The following POLN variants were observed in gnomAD, a reference collection of about 807,000 sequenced individuals.
The protein encoded by POLN is DNA polymerase N.
A neutral mutation model predicts 113.5 loss-of-function variants in POLN; 108 were observed. The observed-to-expected ratio is 0.95, with a 90% CI of 0.81 to 1.12. The LOEUF is 1.12. Ranked by LOEUF, POLN falls within the 50% of genes most tolerant of loss-of-function variation. POLN has a pLI of 0.00. For synonymous variants in POLN, 386 were observed against 391.5 expected (o/e 0.99, Z 0.17); for missense variants, 1,097 against 1,077.1 (o/e 1.02, Z -0.26).
At chr4:2,112,578 T>C (rs1295919306) in intron 19 of POLN, among the ~76,000 whole-genome samples, 3 of 152,192 alleles carry the variant, frequency 2.0e-5, no homozygotes, top group Middle Eastern at 3.4e-3. Flanking sequence ...GGGTGAAGGA[T>C]ATGAACAGAC....
intron 11 of POLN, among the ~76,000 whole-genome samples, chr4:2,173,397 C>T (rs1300722908): frequency 6.6e-6 from 1 of 152,094 alleles, no homozygotes; most frequent in Non-Finnish European, 1.5e-5. Flanking sequence ...CATTCAAGTT[C>T]AATACCTTTT....
In POLN at chr4:2,081,711, G is replaced by A. The variant is rs145784942; in HGVS notation, c.2230C>T (p.Pro744Ser). 6.2e-7 allele frequency: 1 copy of A among 1,614,122 alleles called. No homozygotes were observed. The highest frequency in any genetic ancestry group is 8.5e-7 in the Non-Finnish European group (1 of 1,180,014). ...CVVSIMGRRR[P>S]LPRIHAHDQQ... The stretch of plus-strand genomic sequence containing the variant: ...TCATGAGCGTGAATCCTTGGCAGGG[G>A]TCTCCTTCTGCCCATGATGGACACC... Residue 744 changes from proline (P) to serine (S), a missense_variant, in exon 22 of 26, where the codon CCC becomes TCC. Coordinates refer to ENST00000511885, the MANE Select transcript of POLN (RefSeq NM_181808.4).
rs1326475417 is a variant in POLN, at chr4:2,081,647, T to G, written c.2294A>C (p.Asn765Thr). 6.2e-7 allele frequency: 1 copy of G among 1,614,204 alleles called. No homozygotes were observed. The stretch of plus-strand genomic sequence containing the variant: ...GCTTCTGGTACCTTGCACCACGAAG[T>G]TCACTGCCTGTCGCTCTGCTTGTGC... ...LRAQAERQAV[N>T]FVVQGSAADL... Residue 765 changes from asparagine (N) to threonine (T), a missense_variant, in exon 22 of 26, where the codon AAC becomes ACC. By Grantham distance (65) the Asn-to-Thr change is moderately conservative. Transcript: ENST00000511885.
intron 3 of POLN, among the ~76,000 whole-genome samples, chr4:2,227,308 T>C (rs1189594567): frequency 6.6e-6 from 1 of 152,106 alleles, no homozygotes; most frequent in Non-Finnish European, 1.5e-5. Flanking sequence ...GAAACTGAAT[T>C]CTGTCAACAA....
chr4:2,149,914 T>C (rs1359022909), intron 16 of POLN, among the ~76,000 whole-genome samples: 1 of 152,074 alleles, frequency 6.6e-6, no homozygotes, highest in African/African-American at 2.4e-5. Context: ...AAACCCCGTC[T>C]CTACTAAAAA....
chr4:2,198,840 T>G, intron 5 of POLN, 123 bp from the exon 6 acceptor site: 1 of 983,036 alleles, frequency 1.0e-6, no homozygotes, highest in African/African-American at 1.7e-5. Flanking sequence ...AATGAATAGT[T>G]TTTTAATGAC....
At chr4:2,096,606 T>G (rs1045105266) in intron 19 of POLN, among the ~76,000 whole-genome samples, 5 of 151,284 alleles carry the variant, frequency 3.3e-5, no homozygotes, top group African/African-American at 4.9e-5. Context: ...ACCTCCTGCC[T>G]GCTGCTTTTG....
At chr4:2,096,730 GACAC>G (rs60528241) in intron 19 of POLN, among the ~76,000 whole-genome samples, 46 of 145,646 alleles carry the variant, frequency 3.2e-4, no homozygotes, top group Non-Finnish European at 5.9e-4. Context: ...GAGAGAGAGA[GACAC>G]ACAGAGAGAA....
chr4:2,218,155 G>C (rs1477303174), intron 3 of POLN, among the ~76,000 whole-genome samples: 2 of 152,094 alleles, frequency 1.3e-5, no homozygotes, highest in Admixed American at 1.3e-4. Context: ...AAGGTGGCCA[G>C]GCGTGGTGGC....
At chr4:2,106,043 C>T (rs1029460913) in intron 19 of POLN, among the ~76,000 whole-genome samples, 15 of 151,938 alleles carry the variant, frequency 9.9e-5, no homozygotes, top group South Asian at 2.1e-4. Flanking sequence ...GAGTTTACTC[C>T]GGTACTCTTT....
At chr4:2,177,165 C>T (rs1239258797) in intron 8 of POLN, 7 of 285,932 alleles carry the variant, frequency 2.4e-5, no homozygotes, top group Non-Finnish European at 5.0e-5. Flanking sequence ...CCTGCAGGAG[C>T]CTTCCACACC....
chr4:2,200,695 G>A (rs1037633071), intron 5 of POLN, among the ~76,000 whole-genome samples: 18 of 152,104 alleles, frequency 1.2e-4, no homozygotes, highest in Non-Finnish European at 2.1e-4. Flanking sequence ...ACACCCCATT[G>A]GATAAAAGAA....
intron 21 of POLN, among the ~76,000 whole-genome samples, chr4:2,084,474 C>T (rs1302549195): frequency 1.3e-5 from 2 of 152,234 alleles, no homozygotes; most frequent in East Asian, 3.9e-4. Flanking sequence ...CCCCCAAGGA[C>T]TGTAAGCTCC....
At chr4:2,185,004 G>A (rs1733235458) in intron 7 of POLN, among the ~76,000 whole-genome samples, 1 of 152,142 alleles carries the variant, frequency 6.6e-6, no homozygotes, top group Admixed American at 6.5e-5. Context: ...TATATGAAGT[G>A]TACTTAGGGT....
intron 19 of POLN, among the ~76,000 whole-genome samples, chr4:2,120,446 T>C (rs1281585688): frequency 6.6e-6 from 1 of 152,164 alleles, no homozygotes; most frequent in Non-Finnish European, 1.5e-5. Flanking sequence ...GGCATATAGA[T>C]CTTATACATG....
chr4:2,119,811 TA>T (rs1731400925), intron 19 of POLN, among the ~76,000 whole-genome samples: 1 of 152,106 alleles, frequency 6.6e-6, no homozygotes, highest in African/African-American at 2.4e-5. Flanking sequence ...CTAATTATAG[TA>T]TAAGTCACGA....
At chr4:2,191,018 G>A (rs916834947) in intron 7 of POLN, among the ~76,000 whole-genome samples, 8 of 152,026 alleles carry the variant, frequency 5.3e-5, no homozygotes, top group Admixed American at 5.2e-4. Flanking sequence ...CCCACTCCTG[G>A]GTATATATTC....
chr4:2,175,746 A>G (rs915262629), intron 9 of POLN, among the ~76,000 whole-genome samples: 1 of 152,178 alleles, frequency 6.6e-6, no homozygotes, highest in Non-Finnish European at 1.5e-5. Context: ...TCCAGGTCAC[A>G]TCACCCGGGC....
chr4:2,078,688 C>T (rs1348014716), intron 23 of POLN: 6 of 985,338 alleles, frequency 6.1e-6, no homozygotes, highest in African/African-American at 1.7e-5. Context: ...GAACAAATCA[C>T]GTTCACAAAA....
Sources: allele counts gnomAD v4.1 joint callset (sites outside exome capture counted in the v4.1 genomes callset), GRCh38; gene constraint gnomAD v4.1.1; transcripts MANE v1.5; gene names NCBI Gene and HGNC (gene_info 2026-07-23, HGNC 2026-07-21).